Variants in SLC4A4 observed in about 807,000 individuals in gnomAD.
SLC4A4 encodes solute carrier family 4 member 4, also known as electrogenic sodium bicarbonate cotransporter 1.
Under a neutral mutation model 111.5 loss-of-function variants are expected in SLC4A4, and 27 were observed. That is an observed-to-expected ratio of 0.24 (90% CI 0.18 to 0.33). The LOEUF is 0.33. SLC4A4 is among the 10% of genes least tolerant of loss of function. SLC4A4 has a pLI of 1.00. For synonymous variants in SLC4A4, 443 were observed against 463.4 expected (o/e 0.96, Z 0.57); for missense variants, 909 against 1,315.5 (o/e 0.69, Z 4.78).
chr4:71,323,122 A>G (rs1395149007), intron 3 of SLC4A4, among the ~76,000 whole-genome samples: 1 of 152,016 alleles, frequency 6.6e-6, no homozygotes. Context: ...CTAATTTGAC[A>G]TGACTATTCT....
At chr4:71,184,016 T>C (rs1330581363), upstream of SLC4A4, among the ~76,000 whole-genome samples, 2 of 152,108 alleles carry the variant, frequency 1.3e-5, no homozygotes, top group African/African-American at 2.4e-5. Context: ...AATCCAAATA[T>C]AATAGTTATA....
intron 2 of SLC4A4, among the ~76,000 whole-genome samples, chr4:71,168,334 A>G (rs1034551496): frequency 6.6e-5 from 10 of 151,820 alleles, no homozygotes; most frequent in Non-Finnish European, 1.2e-4. Flanking sequence ...GGCCCACGCC[A>G]CTGTGCCTGG....
intron 21 of SLC4A4, among the ~76,000 whole-genome samples, chr4:71,557,113 A>G (rs1578182640): frequency 6.6e-6 from 1 of 152,084 alleles, no homozygotes. Flanking sequence ...TCACTGTAGT[A>G]TTCATATGGC....
chr4:71,538,131 A>C (rs1302370106), intron 18 of SLC4A4, among the ~76,000 whole-genome samples: 1 of 152,188 alleles, frequency 6.6e-6, no homozygotes, highest in African/African-American at 2.4e-5. Context: ...ATTTGTTAAC[A>C]AATTCTTAAT....
chr4:71,249,005 A>G (rs1190374388), intron 2 of SLC4A4, among the ~76,000 whole-genome samples: 2 of 152,164 alleles, frequency 1.3e-5, no homozygotes, highest in African/African-American at 2.4e-5. Flanking sequence ...GATTGTTATC[A>G]CTATTATTAT....
At chr4:71,402,200 TAAGCC>T (rs1045452147) in intron 7 of SLC4A4, among the ~76,000 whole-genome samples, 15 of 152,182 alleles carry the variant, frequency 9.9e-5, no homozygotes, top group Non-Finnish European at 1.6e-4. Context: ...TTAAAGTTGC[TAAGCC>T]ATAACTATCT....
At chr4:71,387,980 CTCTTTA>C (rs1206464768) in intron 6 of SLC4A4, among the ~76,000 whole-genome samples, 6 of 152,140 alleles carry the variant, frequency 3.9e-5, no homozygotes, top group African/African-American at 1.2e-4. Context: ...ACTGAAGATC[CTCTTTA>C]CCTTGGCTTA....
chr4:71,523,753 TTTACTC>T (rs1323005297), intron 16 of SLC4A4, among the ~76,000 whole-genome samples: 3 of 152,132 alleles, frequency 2.0e-5, no homozygotes, highest in African/African-American at 7.2e-5. Flanking sequence ...TTTTTAAACT[TTTACTC>T]TTGTGTATTA....
At chr4:71,460,230 C>T (rs1689797551) in intron 12 of SLC4A4, among the ~76,000 whole-genome samples, 1 of 151,964 alleles carries the variant, frequency 6.6e-6, no homozygotes, top group Non-Finnish European at 1.5e-5. Flanking sequence ...GTTTTCCCTA[C>T]CCCAAGATAA....
chr4:71,092,711 G>A (rs544608782), intron 1 of SLC4A4, among the ~76,000 whole-genome samples: 1 of 152,292 alleles, frequency 6.6e-6, no homozygotes, highest in Admixed American at 6.5e-5. Flanking sequence ...TCAAGTAATT[G>A]TTATTTTTCT....
chr4:71,365,865 GT>G (rs1366489840), intron 6 of SLC4A4, among the ~76,000 whole-genome samples: 5 of 152,126 alleles, frequency 3.3e-5, no homozygotes, highest in Non-Finnish European at 7.4e-5. Flanking sequence ...TAAATAACTT[GT>G]CTAAGCATAG....
chr4:71,084,625 A>G (rs1018196297), intron 1 of SLC4A4, among the ~76,000 whole-genome samples: 21 of 151,816 alleles, frequency 1.4e-4, no homozygotes, highest in African/African-American at 3.4e-4. Flanking sequence ...TCATTGTTCA[A>G]TTCCCACCTC....
At chr4:71,099,186 A>G (rs1378400863) in intron 2 of SLC4A4, among the ~76,000 whole-genome samples, 2 of 152,058 alleles carry the variant, frequency 1.3e-5, no homozygotes, top group Non-Finnish European at 2.9e-5. Context: ...CTCTAAAATC[A>G]AACACATGAT....
At chr4:71,406,728 A>G (rs577287315) in intron 7 of SLC4A4, among the ~76,000 whole-genome samples, 1 of 152,026 alleles carries the variant, frequency 6.6e-6, no homozygotes, top group Admixed American at 6.6e-5. Flanking sequence ...AATCATGCCA[A>G]GATGACATTC....
At chr4:71,359,835 C>T (rs1042180927) in intron 6 of SLC4A4, among the ~76,000 whole-genome samples, 3 of 152,012 alleles carry the variant, frequency 2.0e-5, no homozygotes, top group Non-Finnish European at 2.9e-5. Context: ...ATTTGTATAC[C>T]TTTGTCTTTA....
chr4:71,255,109 A>G (rs1721347467), intron 2 of SLC4A4, 111 bp from the exon 3 acceptor site: 1 of 1,055,482 alleles, frequency 9.5e-7, no homozygotes, highest in South Asian at 1.3e-5. Flanking sequence ...CAAATATAGA[A>G]TGGTAACGTT....
chr4:71,477,880 G>A (rs1728509907), intron 14 of SLC4A4, among the ~76,000 whole-genome samples: 1 of 151,698 alleles, frequency 6.6e-6, no homozygotes, highest in Non-Finnish European at 1.5e-5. Flanking sequence ...CTGACAGAAG[G>A]CTAATATCCA....
intron 3 of SLC4A4, chr4:71,300,362 G>A (rs2148838700): frequency 8.8e-6 from 2 of 228,316 alleles, no homozygotes; most frequent in South Asian, 7.9e-5. Context: ...CTGAGAGCAC[G>A]GCATTGACCA....
chr4:71,413,167 C>T lies in SLC4A4; in HGVS notation c.807+15514C>T, dbSNP rs772733850. Among the ~76,000 whole-genome samples, 53 of 152,126 alleles carry T rather than the reference C, an allele frequency of 3.5e-4. No homozygotes were observed. In the Middle Eastern group the frequency reaches 0.01, roughly 29 times the overall value. On this transcript the variant is annotated intron_variant, in intron 7 of 25. Transcript: ENST00000264485. ...AATTTGGTACATGTTCTGAGACCTC[C>T]GTGAAGGGTACATTAAAAAATCTGC...
Sources: allele counts gnomAD v4.1 joint callset (sites outside exome capture counted in the v4.1 genomes callset), GRCh38; gene constraint gnomAD v4.1.1; transcripts MANE v1.5; gene names NCBI Gene and HGNC (gene_info 2026-07-23, HGNC 2026-07-21).